Variants in DCLRE1C observed in about 807,000 individuals in gnomAD.
The protein encoded by DCLRE1C is DNA cross-link repair 1C.
Under a neutral mutation model 61.4 loss-of-function variants are expected in DCLRE1C, and 47 were observed. The ratio of observed to expected loss-of-function variants is 0.77; its 90% confidence interval spans 0.61 to 0.98. The LOEUF (loss-of-function observed/expected upper bound fraction) is 0.98, where lower values mean the gene tolerates loss of function less well. DCLRE1C is among the 50% of genes least tolerant of loss of function. The pLI is 0.00. For synonymous variants in DCLRE1C, 337 were observed against 287.6 expected, an observed-to-expected ratio of 1.17 and a Z score of -1.74; for missense variants, 858 against 816.0, an observed-to-expected ratio of 1.05 and a Z score of -0.63.
chr10:14,899,193 C>T (rs1292076327), exon 14 of DCLRE1C: 3 of 701,782 alleles, frequency 4.3e-6, no homozygotes, highest in African/African-American at 3.5e-5. Context: ...TGGCGGTATG[C>T]ACCTGTGATC....
chr10:14,919,979 A>G, intron 12 of DCLRE1C, 147 bp from the exon 13 acceptor site: 1 of 700,294 alleles, frequency 1.4e-6, no homozygotes, highest in Non-Finnish European at 2.5e-6. Flanking sequence ...AAGGGAAATC[A>G]CACAACTACT....
chr10:14,936,751 C>T (rs1394395204), intron 4 of DCLRE1C, among the ~76,000 whole-genome samples, 158 bp from the exon 5 acceptor site: 2 of 152,164 alleles, frequency 1.3e-5, no homozygotes, highest in African/African-American at 4.8e-5. Flanking sequence ...CAAGTGGAAT[C>T]CTTGTCCACT....
At chr10:14,923,300 A>T (rs1398888791) in intron 11 of DCLRE1C, 2 of 503,334 alleles carry the variant, frequency 4.0e-6, no homozygotes, top group Non-Finnish European at 7.2e-6. Context: ...AGAAATCAGT[A>T]CATTTAAATA....
At chr10:14,951,093 G>C (rs1386721939) in intron 1 of DCLRE1C, among the ~76,000 whole-genome samples, 1 of 152,086 alleles carries the variant, frequency 6.6e-6, no homozygotes, top group Non-Finnish European at 1.5e-5. Flanking sequence ...AAAATGTGAT[G>C]TGGGGCTGGG....
intron 9 of DCLRE1C, 146 bp from the exon 10 acceptor site, chr10:14,928,298 A>G (rs984433936): frequency 1.4e-6 from 1 of 699,808 alleles, no homozygotes; most frequent in African/African-American, 1.8e-5. Context: ...GTAGACATGA[A>G]GAAACAATCA....
Position 14,908,360 on chromosome 10 carries a change from CTG to C in DCLRE1C, c.*46_*47del, listed in dbSNP as rs1272409516. On this transcript the variant is annotated 3_prime_UTR_variant, in exon 14 of 14. Transcript: ENST00000378278. ...TCTATTGTAATATTGACTGTCATCT[CTG>C]TGCAGGTTTTTTAGTGGTTGCTCTA... 3.6e-6 allele frequency: 5 copies of C among 1,382,248 alleles called. No homozygotes were observed. The highest frequency in any genetic ancestry group is 2.3e-5 in the South Asian group (2 of 86,074). 85.6% of individuals were successfully genotyped at this position (1,382,248 alleles called of 1,614,324 possible).
intron 3 of DCLRE1C, among the ~76,000 whole-genome samples, chr10:14,942,879 C>G (rs566653106): frequency 6.6e-6 from 1 of 152,076 alleles, no homozygotes; most frequent in Non-Finnish European, 1.5e-5. Context: ...TAATCCCAGC[C>G]CTTGGGTGGC....
At chr10:14,918,650 AAAC>A (rs1373655734) in intron 13 of DCLRE1C, among the ~76,000 whole-genome samples, 1 of 151,982 alleles carries the variant, frequency 6.6e-6, no homozygotes, top group Non-Finnish European at 1.5e-5. Context: ...AAAAAGAAAA[AAAC>A]CTTAGTAAAT....
chr10:14,918,808 G>T (rs1836633719), intron 13 of DCLRE1C, among the ~76,000 whole-genome samples: 1 of 152,072 alleles, frequency 6.6e-6, no homozygotes, highest in Non-Finnish European at 1.5e-5. Flanking sequence ...ATCAGTCTTG[G>T]AATTGTCATC....
chr10:14,939,524 A>G (rs1342869816), intron 4 of DCLRE1C, among the ~76,000 whole-genome samples: 7 of 151,968 alleles, frequency 4.6e-5, no homozygotes, highest in Admixed American at 6.6e-5. Context: ...TCCAGTCTCT[A>G]GAACCCTAAG....
chr10:14,947,168 C>A (rs41304340), intron 2 of DCLRE1C, among the ~76,000 whole-genome samples: 7 of 152,204 alleles, frequency 4.6e-5, no homozygotes, highest in Admixed American at 4.6e-4. Context: ...GCCAACATCA[C>A]GCTACTGCAC....
At chr10:14,934,327 CAAAAAA>C (rs374055066) in intron 8 of DCLRE1C, 47 bp downstream of exon 8, 2 of 1,427,384 alleles carry the variant, frequency 1.4e-6, no homozygotes, top group Non-Finnish European at 1.9e-6. Context: ...GACTCCCTCT[CAAAAAA>C]AAAAAAAAAA....
chr10:14,912,463 C>A (rs189488961), intron 13 of DCLRE1C, among the ~76,000 whole-genome samples: 1 of 152,088 alleles, frequency 6.6e-6, no homozygotes, highest in African/African-American at 2.4e-5. Context: ...CAGAAAGATA[C>A]GTAAAGACTT....
intron 8 of DCLRE1C, among the ~76,000 whole-genome samples, chr10:14,933,681 G>GAC (rs1839402145): frequency 1.3e-5 from 2 of 152,068 alleles, no homozygotes; most frequent in Non-Finnish European, 2.9e-5. Context: ...GCATATACAT[G>GAC]ATGTACAACA....
At chr10:14,945,402 G>A (rs906287525) in intron 2 of DCLRE1C, 17 of 1,285,778 alleles carry the variant, frequency 1.3e-5, no homozygotes, top group African/African-American at 6.1e-5. Flanking sequence ...AATTACGCTG[G>A]CACAAAATCT....
intron 2 of DCLRE1C, 21 bp downstream of exon 2, chr10:14,949,015 A>T (rs779578165): frequency 1.3e-6 from 2 of 1,577,510 alleles, no homozygotes; most frequent in Admixed American, 3.3e-5. Context: ...GCTTAAAAAC[A>T]CAAGTAGCAA....
Position 14,906,408 on chromosome 10 carries a change from C to A in DCLRE1C, c.*2000G>T, listed in dbSNP as rs1834396708. On this transcript the variant is annotated 3_prime_UTR_variant, in exon 14 of 14. Transcript: ENST00000378278. ...GCCAGCATTTATAATGCCAGACTCACATATAAAACAAACGTAACAGTATGT... is the reference window on the plus strand; with the variant it reads ...GCCAGCATTTATAATGCCAGACTCAAATATAAAACAAACGTAACAGTATGT... Among the ~76,000 whole-genome samples, 1 of 152,176 alleles carries A rather than the reference C, an allele frequency of 6.6e-6. No homozygotes were observed. The highest frequency in any genetic ancestry group is 1.5e-5 in the Non-Finnish European group (1 of 68,040).
At chr10:14,939,039 C>T (rs1840442441) in intron 4 of DCLRE1C, among the ~76,000 whole-genome samples, 1 of 152,162 alleles carries the variant, frequency 6.6e-6, no homozygotes, top group South Asian at 2.1e-4. Context: ...AGTTATTGGG[C>T]ATAGAAGCCT....
Position 14,908,175 on chromosome 10 carries a change from TTTTTTTTTTTTTG to T in DCLRE1C, c.*220_*232del, listed in dbSNP as rs1834624497. 2 of 291,896 alleles carry T rather than the reference TTTTTTTTTTTTTG, an allele frequency of 6.9e-6. No individual in the cohort carries two copies. Among genetic ancestry groups the T allele is most frequent in the Non-Finnish European group, 1.2e-5 (2 of 167,610 alleles). The allele number at this position is 291,896 out of a possible 1,614,324, so 18.1% of individuals were successfully genotyped here. ...CACCACCATGCCTGGCTTTTTTTTT[TTTTTTTTTTTTTG>T]TAAGTAGAGACACATTTCACTGTGT... On this transcript the variant is annotated 3_prime_UTR_variant, in exon 14 of 14. Coordinates refer to ENST00000378278, the MANE Select transcript of DCLRE1C (RefSeq NM_001033855.3).
Sources: gnomAD v4.1 joint callset for allele counts (sites outside exome capture counted in the v4.1 genomes callset) on GRCh38, gnomAD v4.1.1 for gene constraint, MANE v1.5 for transcripts, NCBI Gene and HGNC (gene_info 2026-07-23, HGNC 2026-07-21) for gene names.